Variants in MROH7 observed in about 807,000 individuals in gnomAD.
MROH7 encodes the protein maestro heat like repeat family member 7.
A neutral mutation model predicts 129.2 loss-of-function variants in MROH7; 113 were observed. That is an observed-to-expected ratio of 0.87 (90% CI 0.75 to 1.02). The LOEUF is 1.02. Ranked by LOEUF, MROH7 falls within the 50% of genes least tolerant of loss-of-function variation. The probability of loss-of-function intolerance (pLI) is 0.00; values close to 1 mark genes in which losing one functional copy is unlikely to be tolerated. For synonymous variants in MROH7, 655 were observed against 667.9 expected (o/e 0.98, Z 0.30); for missense variants, 1,601 against 1,671.3 (o/e 0.96, Z 0.73).
chr1:54,709,672 C>T (rs1264264646), intron 23 of MROH7, among the ~76,000 whole-genome samples: 1 of 152,076 alleles, frequency 6.6e-6, no homozygotes, highest in Non-Finnish European at 1.5e-5. Flanking sequence ...TGCAGGGTGA[C>T]TCTTAAGTGG....
intron 16 of MROH7, 116 bp from the exon 17 acceptor site, chr1:54,695,260 C>T: frequency 1.6e-6 from 1 of 630,742 alleles, no homozygotes; most frequent in Non-Finnish European, 2.9e-6. Context: ...CCTGGGAACG[C>T]AGGAATCCAG....
At chr1:54,645,656 T>TTC (rs1553168306) in intron 1 of MROH7, among the ~76,000 whole-genome samples, 4 of 76,358 alleles carry the variant, frequency 5.2e-5, no homozygotes, top group African/African-American at 1.2e-4. Flanking sequence ...TCTTTCTTTC[T>TTC]TTTTTTTTTT....
At chr1:54,679,580 G>A in intron 12 of MROH7, 141 bp downstream of exon 12, 1 of 956,628 alleles carries the variant, frequency 1.0e-6, no homozygotes, top group Non-Finnish European at 1.5e-6. Context: ...GGGAAGGGGT[G>A]CTGGTGGCTG....
chr1:54,682,993 C>T (rs1645094608), intron 14 of MROH7, among the ~76,000 whole-genome samples, 199 bp downstream of exon 14: 1 of 151,978 alleles, frequency 6.6e-6, no homozygotes, highest in Non-Finnish European at 1.5e-5. Flanking sequence ...ATGGTGACAA[C>T]AGCAGCCTGG....
At chr1:54,691,425 A>G (rs1429228875) in intron 15 of MROH7, among the ~76,000 whole-genome samples, 1 of 152,244 alleles carries the variant, frequency 6.6e-6, no homozygotes, top group Non-Finnish European at 1.5e-5. Context: ...AGTGCACCAT[A>G]AACTCTTTCA....
intron 7 of MROH7, 121 bp from the exon 8 acceptor site, chr1:54,672,970 C>G (rs1442312086): frequency 1.5e-6 from 1 of 650,362 alleles, no homozygotes; most frequent in Admixed American, 2.8e-5. Flanking sequence ...AGAGGTGGGA[C>G]CAGAAAGCAG....
At chr1:54,707,302 G>A (rs950032010) in intron 22 of MROH7, among the ~76,000 whole-genome samples, 1 of 152,148 alleles carries the variant, frequency 6.6e-6, no homozygotes, top group African/African-American at 2.4e-5. Context: ...TTGCAAAGAG[G>A]CTTGGAAATG....
chr1:54,654,475 C>G (rs953430826), intron 3 of MROH7, among the ~76,000 whole-genome samples: 4 of 152,048 alleles, frequency 2.6e-5, no homozygotes, highest in African/African-American at 9.7e-5. Context: ...AGTTTGAGAC[C>G]AGCCTGGCCA....
chr1:54,674,540 C>G (rs1644952985), intron 10 of MROH7, among the ~76,000 whole-genome samples: 1 of 152,112 alleles, frequency 6.6e-6, no homozygotes, highest in Non-Finnish European at 1.5e-5. Flanking sequence ...TTGGTCACCC[C>G]TGTATTCCCA....
chr1:54,692,394 C>T lies in MROH7; in HGVS notation c.2712-30C>T, dbSNP rs758859465. On this transcript the variant is annotated intron_variant, in intron 15 of 23. Coordinates refer to ENST00000421030, the MANE Select transcript of MROH7 (RefSeq NM_001039464.4). The stretch of plus-strand genomic sequence containing the variant: ...CTTGGCCTGCTAGGGCCCAGGTAGG[C>T]ATGAGGTCTTAATTGCCTTGTCTTG... 8 of 1,611,916 alleles carry T rather than the reference C, an allele frequency of 5.0e-6. No homozygotes were observed. The African/African-American group carries it at 8.0e-5, about 16-fold the overall frequency.
chr1:54,691,901 AAC>A (rs931616505), intron 15 of MROH7, among the ~76,000 whole-genome samples: 4 of 117,446 alleles, frequency 3.4e-5, no homozygotes, highest in African/African-American at 1.4e-4. Context: ...CCCATGTATG[AAC>A]ACACAGTGCG....
chr1:54,709,144 A>T, intron 23 of MROH7, 68 bp downstream of exon 23: 1 of 1,470,120 alleles, frequency 6.8e-7, no homozygotes, highest in Non-Finnish European at 9.5e-7. Flanking sequence ...CACAGTGGGT[A>T]ACAGGGAAAG....
intron 17 of MROH7, chr1:54,697,603 C>T: frequency 1.4e-6 from 1 of 690,576 alleles, no homozygotes; most frequent in East Asian, 2.7e-5. Context: ...TACTATGTGC[C>T]AAACACTTGT....
chr1:54,661,080 C>G (rs1644725625), intron 3 of MROH7, among the ~76,000 whole-genome samples: 2 of 149,324 alleles, frequency 1.3e-5, no homozygotes, highest in African/African-American at 4.9e-5. Context: ...GTTGGGTTGT[C>G]TCTTTTTCTT....
rs369838725 is a variant in MROH7 at position 54,710,049 on chromosome 1, G to A, written c.3834G>A (p.Pro1278=). 2.0e-5 allele frequency: 32 copies of A among 1,613,920 alleles called. No individual in the cohort carries two copies. Among genetic ancestry groups the A allele is most frequent in the East Asian group, 2.2e-5 (1 of 44,880 alleles). Residue 1278 remains proline (P), a synonymous_variant, in exon 24 of 24, where the codon CCG becomes CCA. Coordinates refer to ENST00000421030, the MANE Select transcript of MROH7 (RefSeq NM_001039464.4). ...LASCWQNSWL[P]HGNSWVCYSA... ...GCTGCTGGCAGAACTCCTGGCTGCC[G>A]CACGGGAACTCATGGGTGTGTTACT...
intron 20 of MROH7, 46 bp from the exon 21 acceptor site, chr1:54,702,577 G>T (rs747640098): frequency 2.0e-6 from 3 of 1,488,628 alleles, no homozygotes; most frequent in South Asian, 2.9e-5. Context: ...CTGGACCATA[G>T]TCTGGCTGTC....
intron 17 of MROH7, chr1:54,699,280 C>T (rs2101208157): frequency 6.9e-6 from 1 of 145,150 alleles, no homozygotes; most frequent in African/African-American, 2.6e-5. Context: ...TCCCTCCCTC[C>T]TTCTCTCTCT....
At chr1:54,669,044 G>A (rs1644855834) in intron 5 of MROH7, 107 bp downstream of exon 5, 4 of 765,010 alleles carry the variant, frequency 5.2e-6, no homozygotes, top group South Asian at 3.4e-5. Context: ...GTAGGAAGAG[G>A]ACGGGATGAG....
chr1:54,654,394 G>A (rs550727236), intron 3 of MROH7, among the ~76,000 whole-genome samples: 7 of 152,310 alleles, frequency 4.6e-5, no homozygotes, highest in Non-Finnish European at 8.8e-5. Context: ...GTATATAGCC[G>A]GGCGCAGTGG....
Sources: allele counts gnomAD v4.1 joint callset (sites outside exome capture counted in the v4.1 genomes callset), GRCh38; gene constraint gnomAD v4.1.1; transcripts MANE v1.5; gene names NCBI Gene and HGNC (gene_info 2026-07-23, HGNC 2026-07-21).